The following CSMD1 variants were observed in gnomAD, a reference collection of about 807,000 sequenced individuals.
CSMD1 encodes CUB and Sushi multiple domains 1.
A neutral mutation model predicts 417.5 loss-of-function variants in CSMD1; 213 were observed. The ratio of observed to expected loss-of-function variants is 0.51; its 90% CI spans 0.46 to 0.57. CSMD1 has a LOEUF of 0.57. CSMD1 is among the 20% of genes least tolerant of loss of function. CSMD1 has a pLI of 0.00. For missense variants in CSMD1, 6,923 were observed against 4,529.7 expected (o/e 1.53, Z -15.17); for synonymous variants, 2,862 against 1,736.8 (o/e 1.65, Z -16.11).
chr8:3,070,966 T>C (rs1229754012), intron 49 of CSMD1, among the ~76,000 whole-genome samples: 2 of 152,222 alleles, frequency 1.3e-5, no homozygotes, highest in Non-Finnish European at 2.9e-5. Context: ...TGCTGGCATC[T>C]GTTCAGCTCC....
intron 5 of CSMD1, among the ~76,000 whole-genome samples, chr8:3,859,990 G>C (rs1233522734): frequency 6.6e-6 from 1 of 152,104 alleles, no homozygotes; most frequent in Non-Finnish European, 1.5e-5. Flanking sequence ...GGTGGTTTTG[G>C]GAAACCCAAA....
chr8:3,275,620 G>C (rs1802224040), intron 26 of CSMD1, among the ~76,000 whole-genome samples: 1 of 152,104 alleles, frequency 6.6e-6, no homozygotes. Flanking sequence ...TGGAGGCTTT[G>C]CTCGTTTCTT....
intron 23 of CSMD1, among the ~76,000 whole-genome samples, chr8:3,324,149 C>G (rs1479521119): frequency 6.8e-6 from 1 of 146,496 alleles, no homozygotes; most frequent in Non-Finnish European, 1.5e-5. Context: ...ACATCTAACA[C>G]CCAGAGACTC....
At chr8:3,625,557 C>A (rs1796451448) in intron 7 of CSMD1, among the ~76,000 whole-genome samples, 1 of 152,082 alleles carries the variant, frequency 6.6e-6, no homozygotes, top group Non-Finnish European at 1.5e-5. Flanking sequence ...CTGCCATGGT[C>A]TTAAATCAAG....
chr8:3,871,186 C>A (rs2129112535), intron 5 of CSMD1, among the ~76,000 whole-genome samples: 1 of 152,042 alleles, frequency 6.6e-6, no homozygotes, highest in East Asian at 1.9e-4. Flanking sequence ...TGCAAATGTG[C>A]AAATATTTTT....
chr8:4,923,589 A>C (rs1011797023), intron 1 of CSMD1, among the ~76,000 whole-genome samples: 6 of 135,466 alleles, frequency 4.4e-5, no homozygotes, highest in African/African-American at 1.5e-4. Context: ...AGCCCTTGTG[A>C]TAACCTCATT....
At chr8:4,604,298 T>C (rs1019320889) in intron 2 of CSMD1, among the ~76,000 whole-genome samples, 2 of 151,738 alleles carry the variant, frequency 1.3e-5, no homozygotes, top group Admixed American at 6.6e-5. Context: ...TTGGTGTCTA[T>C]ATAACAGGAA....
At chr8:4,274,375 A>T (rs914942318) in intron 3 of CSMD1, among the ~76,000 whole-genome samples, 6 of 152,160 alleles carry the variant, frequency 3.9e-5, no homozygotes, top group African/African-American at 1.4e-4. Flanking sequence ...ATGAGCACAA[A>T]ATTAAGATTT....
At chr8:2,945,897 G>A (rs1405056194) in intron 68 of CSMD1, among the ~76,000 whole-genome samples, 2 of 152,176 alleles carry the variant, frequency 1.3e-5, no homozygotes, top group Non-Finnish European at 2.9e-5. Flanking sequence ...CATGTGATAA[G>A]CTAGGTCATT....
At chr8:3,207,681 G>T (rs887217597) in intron 30 of CSMD1, among the ~76,000 whole-genome samples, 7 of 152,088 alleles carry the variant, frequency 4.6e-5, no homozygotes, top group African/African-American at 1.4e-4. Flanking sequence ...TATTCTAAAA[G>T]TCAAAGGAAA....
intron 3 of CSMD1, among the ~76,000 whole-genome samples, chr8:4,243,388 G>T (rs1219771695): frequency 6.6e-6 from 1 of 152,080 alleles, no homozygotes; most frequent in Non-Finnish European, 1.5e-5. Context: ...GCTTGACTTG[G>T]AGAGAATGAC....
intron 37 of CSMD1, among the ~76,000 whole-genome samples, chr8:3,175,636 A>G (rs1318846278): frequency 2.9e-5 from 4 of 138,962 alleles, no homozygotes; most frequent in African/African-American, 1.1e-4. Flanking sequence ...CATGGGTTTC[A>G]TGTTTGAGGC....
intron 3 of CSMD1, among the ~76,000 whole-genome samples, chr8:4,093,976 AG>A (rs879818566): frequency 0.014 from 2,119 of 150,458 alleles, 27 homozygotes; most frequent in Non-Finnish European, 0.019. Context: ...ATAGATAGAT[AG>A]ATAGATAGAT....
In CSMD1 at chr8:2,936,856, A is replaced by G. The variant is rs1228400867; in HGVS notation, c.*1729T>C. ...ATGGAAACCTTCAGTACACCAACAG[A>G]TAAATCAGTCTTAAAGCTAGGTGTC... is the stretch of plus-strand genomic sequence containing the variant. On this transcript the variant is annotated 3_prime_UTR_variant, in exon 70 of 70. Transcript: ENST00000635120. The G allele has an allele frequency of 1.3e-5, 2 of 152,206 alleles. No homozygotes were observed. The highest frequency in any genetic ancestry group is 2.9e-5 in the Non-Finnish European group (2 of 68,048). The allele number at this position is 152,206 out of a possible 1,614,324, so 9.4% of individuals were successfully genotyped here.
intron 7 of CSMD1, among the ~76,000 whole-genome samples, chr8:3,634,746 G>A (rs537281950): frequency 1.3e-5 from 2 of 152,258 alleles, no homozygotes; most frequent in South Asian, 4.1e-4. Flanking sequence ...CCATGATTAA[G>A]GCACACAGTT....
intron 3 of CSMD1, among the ~76,000 whole-genome samples, chr8:4,214,603 T>C (rs1800521816): frequency 6.6e-6 from 1 of 152,170 alleles, no homozygotes; most frequent in African/African-American, 2.4e-5. Context: ...TGGCCCACCT[T>C]ATTAGAATTT....
At chr8:3,745,377 G>A (rs1366917377) in intron 6 of CSMD1, among the ~76,000 whole-genome samples, 1 of 152,274 alleles carries the variant, frequency 6.6e-6, no homozygotes, top group Non-Finnish European at 1.5e-5. Flanking sequence ...TGACCAGCAG[G>A]AGGGAACCCT....
intron 37 of CSMD1, among the ~76,000 whole-genome samples, chr8:3,179,164 C>G (rs1202878707): frequency 4.0e-5 from 6 of 151,628 alleles, no homozygotes; most frequent in African/African-American, 7.3e-5. Context: ...CCAGGACTGT[C>G]TCGATCTCCT....
intron 5 of CSMD1, among the ~76,000 whole-genome samples, chr8:3,848,152 G>C (rs1208394550): frequency 6.6e-6 from 1 of 151,778 alleles, no homozygotes; most frequent in Non-Finnish European, 1.5e-5. Flanking sequence ...GCTGTATGTG[G>C]TGGATGAGAA....
Sources: allele counts gnomAD v4.1 joint callset (sites outside exome capture counted in the v4.1 genomes callset), GRCh38; gene constraint gnomAD v4.1.1; transcripts MANE v1.5; gene names NCBI Gene and HGNC (gene_info 2026-07-23, HGNC 2026-07-21).